CDH18: variants seen among roughly 807,000 people sequenced by gnomAD.
CDH18 encodes the protein cadherin-18.
A neutral mutation model predicts 67.9 loss-of-function variants in CDH18; 31 were observed. That is an observed-to-expected ratio of 0.46 (90% CI 0.34 to 0.62). The LOEUF (loss-of-function observed/expected upper bound fraction) is 0.62, where lower values mean the gene tolerates loss of function less well. Ranked by LOEUF, CDH18 falls within the 20% of genes least tolerant of loss-of-function variation. The pLI, the probability that CDH18 is intolerant of heterozygous loss-of-function variation, is 0.01. For synonymous variants in CDH18, 362 were observed against 347.2 expected (o/e 1.04, Z -0.48); for missense variants, 890 against 975.5 (o/e 0.91, Z 1.17).
intron 3 of CDH18, among the ~76,000 whole-genome samples, chr5:19,791,177 G>A (rs1004070448): frequency 7.2e-5 from 11 of 151,944 alleles, no homozygotes; most frequent in Admixed American, 3.3e-4. Flanking sequence ...TCTTTCAGTC[G>A]GCACCAGAGC....
chr5:20,415,093 C>A (rs967711357), intron 1 of CDH18, among the ~76,000 whole-genome samples: 1 of 152,046 alleles, frequency 6.6e-6, no homozygotes, highest in African/African-American at 2.4e-5. Context: ...TGCCCATAAA[C>A]AGATGAATGA....
At chr5:19,611,132 C>T (rs1023866071) in intron 6 of CDH18, among the ~76,000 whole-genome samples, 1 of 152,108 alleles carries the variant, frequency 6.6e-6, no homozygotes, top group African/African-American at 2.4e-5. Flanking sequence ...AACAATTAAG[C>T]GTCTTCCTAG....
intron 6 of CDH18, among the ~76,000 whole-genome samples, chr5:19,594,344 G>C (rs972158443): frequency 6.6e-6 from 1 of 151,976 alleles, no homozygotes; most frequent in African/African-American, 2.4e-5. Context: ...GTAGAGACAG[G>C]GTTTCACTAT....
At chr5:19,671,048 T>C (rs1758677360) in intron 5 of CDH18, among the ~76,000 whole-genome samples, 1 of 152,110 alleles carries the variant, frequency 6.6e-6, no homozygotes, top group Admixed American at 6.6e-5. Flanking sequence ...TATATGTATG[T>C]AGAGATAAGT....
At chr5:19,697,436 A>G (rs1472186633) in intron 5 of CDH18, among the ~76,000 whole-genome samples, 1 of 152,154 alleles carries the variant, frequency 6.6e-6, no homozygotes, top group African/African-American at 2.4e-5. Flanking sequence ...GGTTATTGTA[A>G]GTGGTTTATA....
At chr5:20,057,828 G>T (rs925753627) in intron 2 of CDH18, among the ~76,000 whole-genome samples, 1 of 151,946 alleles carries the variant, frequency 6.6e-6, no homozygotes, top group African/African-American at 2.4e-5. Flanking sequence ...AAGACTACTT[G>T]GTGTGTATGC....
chr5:20,573,925 AATAT>A (rs1420893927), intron 1 of CDH18, among the ~76,000 whole-genome samples: 1 of 142,968 alleles, frequency 7.0e-6, no homozygotes, highest in African/African-American at 2.6e-5. Flanking sequence ...ATATAAAAGA[AATAT>A]ATATATATTT....
At chr5:19,770,478 T>A (rs577685495) in intron 3 of CDH18, among the ~76,000 whole-genome samples, 135 of 152,316 alleles carry the variant, frequency 8.9e-4, no homozygotes, top group African/African-American at 3.2e-3. Context: ...TTTTCTAATG[T>A]AATTTAAAAT....
chr5:20,090,820 A>G (rs1450607980), intron 2 of CDH18, among the ~76,000 whole-genome samples: 2 of 152,072 alleles, frequency 1.3e-5, no homozygotes, highest in Non-Finnish European at 2.9e-5. Flanking sequence ...ACTTGAGCCC[A>G]GGTGTTCAAG....
chr5:19,548,752 CTTT>C (rs5866388), intron 8 of CDH18, among the ~76,000 whole-genome samples: 4 of 137,832 alleles, frequency 2.9e-5, no homozygotes, highest in Non-Finnish European at 4.7e-5. Context: ...TATTTATCAG[CTTT>C]TTTTTTTTTT....
At chr5:20,196,365 A>G (rs918387676) in intron 2 of CDH18, among the ~76,000 whole-genome samples, 2 of 152,210 alleles carry the variant, frequency 1.3e-5, no homozygotes, top group Non-Finnish European at 2.9e-5. Flanking sequence ...TACAAACAAG[A>G]AACTGAGGCA....
intron 5 of CDH18, among the ~76,000 whole-genome samples, chr5:19,662,419 G>T (rs1046247586): frequency 6.6e-6 from 1 of 151,936 alleles, no homozygotes; most frequent in African/African-American, 2.4e-5. Flanking sequence ...TGTGCATAAA[G>T]AAGGTAAATA....
chr5:20,446,203 T>A lies in CDH18; in HGVS notation c.-580+129259A>T, dbSNP rs113157393. Among the ~76,000 whole-genome samples, 88 of 152,302 alleles carry A rather than the reference T, an allele frequency of 5.8e-4. 2 individuals carry two copies. Among genetic ancestry groups the A allele is most frequent in the African/African-American group, 1.9e-3 (79 of 41,576 alleles). On this transcript the variant is annotated intron_variant, in intron 1 of 14. Coordinates refer to the CDH18 transcript ENST00000507958. ...GAGCACATGTCACTTTAGGGAATTT[T>A]CACCTGTGCCCTAGTTTCTCCTTCT...
intron 3 of CDH18, among the ~76,000 whole-genome samples, chr5:19,751,070 C>T (rs957513284): frequency 1.3e-5 from 2 of 152,194 alleles, no homozygotes. Flanking sequence ...TCTAGCATTA[C>T]TTTAATAAAT....
intron 5 of CDH18, among the ~76,000 whole-genome samples, chr5:19,714,546 AT>A (rs941523914): frequency 6.6e-5 from 10 of 150,504 alleles, no homozygotes; most frequent in East Asian, 1.9e-4. Context: ...GAACCTATTA[AT>A]TTTTTTTCCA....
At chr5:19,753,023 C>T (rs1001238925) in intron 3 of CDH18, among the ~76,000 whole-genome samples, 2 of 152,156 alleles carry the variant, frequency 1.3e-5, no homozygotes, top group African/African-American at 4.8e-5. Context: ...AAAAAAGAAT[C>T]TAACCACAGC....
chr5:19,658,122 CTCTT>C (rs1408447057), intron 5 of CDH18, among the ~76,000 whole-genome samples: 2 of 96,650 alleles, frequency 2.1e-5, no homozygotes, highest in East Asian at 4.4e-4. Flanking sequence ...TCAAAGTTAT[CTCTT>C]TATTATTGCT....
chr5:19,863,280 G>T (rs1327086861), intron 2 of CDH18, among the ~76,000 whole-genome samples: 1 of 152,016 alleles, frequency 6.6e-6, no homozygotes, highest in East Asian at 1.9e-4. Flanking sequence ...ACCCTGGGAG[G>T]GGCTATCCCT....
At chr5:20,054,484 G>T (rs1468878346) in intron 2 of CDH18, among the ~76,000 whole-genome samples, 2 of 152,144 alleles carry the variant, frequency 1.3e-5, no homozygotes, top group Non-Finnish European at 2.9e-5. Context: ...CAAGGAAATT[G>T]CATTCTCTTG....
Sources: gnomAD v4.1 joint callset for allele counts (sites outside exome capture counted in the v4.1 genomes callset) on GRCh38, gnomAD v4.1.1 for gene constraint, MANE v1.5 for transcripts, NCBI Gene and HGNC (gene_info 2026-07-23, HGNC 2026-07-21) for gene names.